The following PAX7 variants were observed in gnomAD, a reference collection of about 807,000 sequenced individuals.
The protein encoded by PAX7 is paired box protein Pax-7.
In PAX7, 18 loss-of-function variants were observed where a neutral mutation model predicts 50.7. That is an observed-to-expected ratio of 0.36 (90% CI 0.25 to 0.53). PAX7 has a LOEUF of 0.53. Ranked by LOEUF, PAX7 falls within the 20% of genes least tolerant of loss-of-function variation. PAX7 has a pLI of 0.93. For missense variants in PAX7, 644 were observed against 702.9 expected, an observed-to-expected ratio of 0.92 and a Z score of 0.95; for synonymous variants, 310 against 290.4, an observed-to-expected ratio of 1.07 and a Z score of -0.69.
chr1:18,735,803 T>A lies in PAX7; in HGVS notation c.1327T>A (p.Cys443Ser), dbSNP rs757868576. The part of the protein sequence containing the change: ...GDSLPTSQAY[C>S]PPTYSTTGYS... ...CAGCCTGCCCACCTCCCAGGCCTAC[T>A]GCCCACCCACCTACAGCACCACCGG... is the stretch of plus-strand genomic sequence containing the variant. The change falls in exon 8 of 9, where the codon TGC (cysteine) becomes AGC (serine). Residue 443 changes from cysteine (C) to serine (S), a missense_variant. Transcript: ENST00000420770. The surrounding 1 kb of genome is among the most constrained non-coding windows in gnomAD (Gnocchi z 4.0). 1.9e-6 allele frequency: 3 copies of A among 1,614,130 alleles called. No homozygotes were observed. The highest frequency in any genetic ancestry group is 2.2e-5 in the South Asian group (2 of 91,076).
Position 18,726,011 on chromosome 1 carries a change from C to CGTGTGTGTGCGTGTGT in PAX7, c.1156-9620_1156-9619insTGTGTGTGCGTGTGTG, listed in dbSNP as rs2089565213. 6.8e-6 allele frequency among the ~76,000 whole-genome samples: 1 copy of CGTGTGTGTGCGTGTGT among 146,034 alleles called. No individual in the cohort carries two copies. On this transcript the variant is annotated intron_variant, in intron 7 of 8. Transcript: ENST00000420770. The surrounding 1 kb of genome is among the most constrained non-coding windows in gnomAD (Gnocchi z 4.8). ...GTGTGTGTGCGCGCGCGCGCGTGCG[C>CGTGTGTGTGCGTGTGT]GCGTGTGTGTGCGTGTGTTTGTGTG... is the stretch of plus-strand genomic sequence containing the variant.
intron 8 of PAX7, among the ~76,000 whole-genome samples, chr1:18,738,264 G>A (rs1350134360): frequency 6.6e-6 from 1 of 152,172 alleles, no homozygotes; most frequent in Non-Finnish European, 1.5e-5. Flanking sequence ...CCCAGCCCGT[G>A]TTCCTGGGCA....
intron 4 of PAX7, among the ~76,000 whole-genome samples, chr1:18,690,775 CT>C (rs2089057223): frequency 6.6e-6 from 1 of 152,228 alleles, no homozygotes; most frequent in Non-Finnish European, 1.5e-5. Flanking sequence ...CAGGTGAGGT[CT>C]CCTCTAGCCT....
chr1:18,705,418 T>C (rs1217782143), intron 7 of PAX7, among the ~76,000 whole-genome samples: 1 of 152,164 alleles, frequency 6.6e-6, no homozygotes, highest in Non-Finnish European at 1.5e-5. Flanking sequence ...CTTAGAAAGC[T>C]GAAGAGGGTC....
At chr1:18,651,551 G>A (rs1025782528) in intron 4 of PAX7, among the ~76,000 whole-genome samples, 1 of 152,166 alleles carries the variant, frequency 6.6e-6, no homozygotes, top group Non-Finnish European at 1.5e-5. Context: ...TTCAGATGCA[G>A]ATATATATTT....
At chr1:18,643,059 T>C (rs57992786) in intron 4 of PAX7, among the ~76,000 whole-genome samples, 1 of 152,182 alleles carries the variant, frequency 6.6e-6, no homozygotes, top group East Asian at 1.9e-4. Context: ...GAAAAGCGTC[T>C]GCGGGTCGCT....
chr1:18,674,616 C>T (rs2088799042), intron 4 of PAX7, among the ~76,000 whole-genome samples: 1 of 152,184 alleles, frequency 6.6e-6, no homozygotes, highest in African/African-American at 2.4e-5. Context: ...CCCTTGGCAT[C>T]GTCTCCACCC....
chr1:18,731,133 G>A (rs116126066), intron 7 of PAX7, among the ~76,000 whole-genome samples: 120 of 152,304 alleles, frequency 7.9e-4, no homozygotes, highest in African/African-American at 2.8e-3. Flanking sequence ...CCCGGGGAGA[G>A]GCCTTAGCAT....
chr1:18,646,575 GTCC>G (rs1231874085), intron 4 of PAX7, among the ~76,000 whole-genome samples: 8 of 152,270 alleles, frequency 5.3e-5, no homozygotes, highest in African/African-American at 1.9e-4. Flanking sequence ...TCAGGAGTTC[GTCC>G]TCCTCCCCGG....
intron 8 of PAX7, among the ~76,000 whole-genome samples, chr1:18,743,715 G>A (rs140810193): frequency 6.6e-6 from 1 of 152,314 alleles, no homozygotes; most frequent in East Asian, 1.9e-4. Flanking sequence ...GGCAGAATTA[G>A]TACAGTCAAG....
intron 4 of PAX7, among the ~76,000 whole-genome samples, chr1:18,637,182 C>G (rs1306612741): frequency 6.6e-6 from 1 of 152,146 alleles, no homozygotes; most frequent in Non-Finnish European, 1.5e-5. Flanking sequence ...CGCCCGGAAG[C>G]CCGGGAAAGG....
At chr1:18,740,022 G>A (rs1931037664) in intron 8 of PAX7, among the ~76,000 whole-genome samples, 1 of 152,168 alleles carries the variant, frequency 6.6e-6, no homozygotes, top group Non-Finnish European at 1.5e-5. Flanking sequence ...GGCTGAGATT[G>A]TTTACCGGTT....
chr1:18,701,205 C>G (rs2089215523), intron 6 of PAX7, among the ~76,000 whole-genome samples: 1 of 152,216 alleles, frequency 6.6e-6, no homozygotes, highest in African/African-American at 2.4e-5. Context: ...GGACACTGGG[C>G]TGACCTGCTT....
At chr1:18,656,475 G>A (rs2088524222) in intron 4 of PAX7, among the ~76,000 whole-genome samples, 1 of 151,890 alleles carries the variant, frequency 6.6e-6, no homozygotes, top group Admixed American at 6.6e-5. Context: ...ACTGCAGCCT[G>A]GGTGACAGAG....
intron 4 of PAX7, among the ~76,000 whole-genome samples, chr1:18,665,314 G>A (rs1488845894): frequency 6.6e-6 from 1 of 152,168 alleles, no homozygotes; most frequent in Admixed American, 6.5e-5. Flanking sequence ...AGGCGGGCTT[G>A]TGCCTGGAAC....
intron 7 of PAX7, among the ~76,000 whole-genome samples, chr1:18,730,162 T>A (rs192927558): frequency 1.5e-3 from 234 of 152,254 alleles, no homozygotes; most frequent in Non-Finnish European, 2.8e-3. Context: ...ACTCACTTAA[T>A]CCTTACAATA....
rs1475034226 is a variant in PAX7 at position 18,636,247 on chromosome 1, T to C, written c.462T>C (p.Ser154=). 6.2e-7 allele frequency: 1 copy of C among 1,614,056 alleles called. No homozygotes were observed. The highest frequency in any genetic ancestry group is 8.5e-7 in the Non-Finnish European group (1 of 1,179,966). ...CTTTGAATTTCTGAGGTTTAGTGAGTTCGATTAGCCGCGTGCTCAGAATCA... is the reference window on the plus strand; with the variant it reads ...CTTTGAATTTCTGAGGTTTAGTGAGCTCGATTAGCCGCGTGCTCAGAATCA... The part of the protein sequence containing the change: ...DRSTVPSGLV[S]SISRVLRIKF... The change falls in exon 4 of 9, where the codon AGT becomes AGC. Residue 154 remains serine (S), a synonymous_variant. Transcript: ENST00000420770. The surrounding 1 kb of genome is among the most constrained non-coding windows in gnomAD (Gnocchi z 5.1).
intron 4 of PAX7, among the ~76,000 whole-genome samples, chr1:18,655,118 A>G (rs1042498734): frequency 6.6e-6 from 1 of 151,824 alleles, no homozygotes; most frequent in African/African-American, 2.4e-5. Context: ...GGTTTCACAA[A>G]CTCCTTCCCA....
At chr1:18,666,099 A>G (rs918288170) in intron 4 of PAX7, among the ~76,000 whole-genome samples, 1 of 152,202 alleles carries the variant, frequency 6.6e-6, no homozygotes. Flanking sequence ...GCTTGGGCCC[A>G]GGAGTTTGAA....
Sources: allele counts gnomAD v4.1 joint callset (sites outside exome capture counted in the v4.1 genomes callset), GRCh38; gene constraint gnomAD v4.1.1; non-coding constraint Gnocchi (gnomAD v3.1); transcripts MANE v1.5; gene names NCBI Gene and HGNC (gene_info 2026-07-23, HGNC 2026-07-21).